Variants in RELN observed in about 807,000 individuals in gnomAD.
RELN encodes the protein reelin.
RELN carries 108 observed loss-of-function variants against 427.6 expected under a neutral mutation model. The ratio of observed to expected loss-of-function variants is 0.25; its 90% CI spans 0.22 to 0.30. RELN has a LOEUF of 0.30. Ranked by LOEUF, RELN falls within the 10% of genes least tolerant of loss-of-function variation. The pLI, the probability that RELN is intolerant of heterozygous loss-of-function variation, is 1.00. For missense variants in RELN, 3,715 were observed against 4,302.8 expected, an observed-to-expected ratio of 0.86 and a Z score of 3.82; for synonymous variants, 1,524 against 1,513.4, an observed-to-expected ratio of 1.01 and a Z score of -0.16.
chr7:103,932,406 G>A (rs1006072473), intron 1 of RELN, among the ~76,000 whole-genome samples: 2 of 152,150 alleles, frequency 1.3e-5, no homozygotes, highest in Non-Finnish European at 2.9e-5. Flanking sequence ...AGTGGGAGGA[G>A]GGAGAGGAGC....
At chr7:103,728,397 A>G (rs1451054172) in intron 6 of RELN, among the ~76,000 whole-genome samples, 190 bp from the exon 7 acceptor site, 5 of 152,206 alleles carry the variant, frequency 3.3e-5, no homozygotes, top group Non-Finnish European at 7.3e-5. Context: ...ATAAATCTCA[A>G]TTCTTTCAGT....
At chr7:103,894,500 A>AT (rs1794917456) in intron 2 of RELN, among the ~76,000 whole-genome samples, 1 of 152,132 alleles carries the variant, frequency 6.6e-6, no homozygotes, top group Non-Finnish European at 1.5e-5. Flanking sequence ...AAAGCATGCT[A>AT]TTTTTTACTA....
chr7:103,479,390 C>T (rs558274635), intron 63 of RELN, among the ~76,000 whole-genome samples: 17 of 152,156 alleles, frequency 1.1e-4, no homozygotes, highest in Non-Finnish European at 2.2e-4. Flanking sequence ...TGTCAATGAT[C>T]GTGTTATGCC....
intron 12 of RELN, among the ~76,000 whole-genome samples, chr7:103,655,190 T>C (rs1157343346): frequency 6.6e-6 from 1 of 152,060 alleles, no homozygotes; most frequent in Non-Finnish European, 1.5e-5. Flanking sequence ...CATGTCTAAC[T>C]AGAAGCCTCT....
intron 63 of RELN, among the ~76,000 whole-genome samples, chr7:103,482,466 CTG>C (rs1828276691): frequency 6.6e-6 from 1 of 152,208 alleles, no homozygotes; most frequent in Non-Finnish European, 1.5e-5. Context: ...TGGAGAATGT[CTG>C]TAATTGGGCA....
intron 11 of RELN, among the ~76,000 whole-genome samples, chr7:103,668,113 C>T (rs752206411): frequency 9.9e-5 from 15 of 152,032 alleles, no homozygotes; most frequent in Non-Finnish European, 1.9e-4. Context: ...ACCTATAATC[C>T]CAGCTACTTG....
intron 5 of RELN, 67 bp from the exon 6 acceptor site, chr7:103,749,571 G>T (rs1355494798): frequency 9.2e-7 from 1 of 1,082,812 alleles, no homozygotes; most frequent in Non-Finnish European, 1.4e-6. Context: ...AAACACAAGT[G>T]CCAACATGCT....
intron 61 of RELN, 86 bp from the exon 62 acceptor site, chr7:103,483,936 G>A: frequency 7.5e-7 from 1 of 1,341,306 alleles, no homozygotes; most frequent in Non-Finnish European, 1.0e-6. Context: ...CTGGAGTACA[G>A]TGGTGTGATC....
At chr7:103,765,262 G>T (rs2116152063) in intron 4 of RELN, among the ~76,000 whole-genome samples, 1 of 152,332 alleles carries the variant, frequency 6.6e-6, no homozygotes. Flanking sequence ...AGGGCTCAGA[G>T]GAGATGAGAG....
rs1356853041 is a variant in RELN, at chr7:103,546,813, G to T, written c.6303-1469C>A. Among the ~76,000 whole-genome samples, 5 of 152,002 alleles carry T rather than the reference G, an allele frequency of 3.3e-5. No individual in the cohort carries two copies. The East Asian group carries it at 9.6e-4, about 29-fold the overall frequency. On this transcript the variant is annotated intron_variant, in intron 41 of 64. Coordinates refer to ENST00000428762, the MANE Select transcript of RELN (RefSeq NM_005045.4). Reference sequence around the variant, plus strand: ...CTTATGAGCCAAACTAAGGTTTTTTGGATTTTATCTCATCAGAAACAGAGA... The same window carrying T: ...CTTATGAGCCAAACTAAGGTTTTTTTGATTTTATCTCATCAGAAACAGAGA...
intron 11 of RELN, among the ~76,000 whole-genome samples, chr7:103,666,467 C>T (rs1287322387): frequency 1.3e-5 from 2 of 152,066 alleles, no homozygotes; most frequent in Admixed American, 1.3e-4. Flanking sequence ...ATCATTTAAT[C>T]ATATTTATCT....
At chr7:103,750,723 G>A (rs1790977705) in intron 5 of RELN, among the ~76,000 whole-genome samples, 2 of 152,108 alleles carry the variant, frequency 1.3e-5, no homozygotes, top group South Asian at 2.1e-4. Context: ...TTTACTGAAT[G>A]TTTTTAAATT....
chr7:103,853,466 G>C (rs1221670440), intron 2 of RELN, among the ~76,000 whole-genome samples: 1 of 151,662 alleles, frequency 6.6e-6, no homozygotes, highest in Non-Finnish European at 1.5e-5. Context: ...CTTCTTTTAG[G>C]CTTTATGTAG....
chr7:103,881,353 C>T (rs78360300), intron 2 of RELN, among the ~76,000 whole-genome samples: 7,103 of 152,190 alleles, frequency 0.047, 412 homozygotes, highest in African/African-American at 0.13. Context: ...CTCCTGATTT[C>T]CTTTCCTACC....
intron 2 of RELN, among the ~76,000 whole-genome samples, chr7:103,880,000 T>C (rs1363187882): frequency 6.6e-6 from 1 of 152,048 alleles, no homozygotes; most frequent in African/African-American, 2.4e-5. Context: ...CTTGTAAGCA[T>C]TTTCCACAAG....
chr7:103,650,342 G>A lies in RELN; in HGVS notation c.1934C>T (p.Thr645Ile). The A allele has an allele frequency of 6.2e-7, 1 of 1,613,036 alleles. No homozygotes were observed. Among genetic ancestry groups the A allele is most frequent in the Non-Finnish European group, 8.5e-7 (1 of 1,179,362 alleles). Residue 645 changes from threonine (T) to isoleucine (I), a missense_variant, in exon 16 of 65, where the codon ACC (threonine) becomes ATC (isoleucine). Coordinates refer to ENST00000428762, the MANE Select transcript of RELN (RefSeq NM_005045.4). ...TCTCCAGCGAATCCTGGTGTTCCGG[G>A]TTAGTGCTGCGTTAGGAAGGGGAAT... The part of the protein sequence containing the change: ...ITIPLPNAAL[T>I]RNTRIRWRQT...
intron 6 of RELN, among the ~76,000 whole-genome samples, chr7:103,742,194 C>A (rs1790682313): frequency 6.6e-6 from 1 of 152,320 alleles, no homozygotes; most frequent in South Asian, 2.1e-4. Flanking sequence ...AACAGACCTG[C>A]AGCTAAGGGT....
chr7:103,526,636 T>C (rs1276473507), intron 46 of RELN, among the ~76,000 whole-genome samples: 1 of 152,200 alleles, frequency 6.6e-6, no homozygotes, highest in Non-Finnish European at 1.5e-5. Flanking sequence ...AAATGAGAGT[T>C]TGGAAGTTGA....
At chr7:103,595,379 C>CT (rs1238663055) in intron 25 of RELN, among the ~76,000 whole-genome samples, 7 of 152,108 alleles carry the variant, frequency 4.6e-5, no homozygotes, top group African/African-American at 1.2e-4. Context: ...ATCCAGTTGC[C>CT]TTTTTTCTGT....
Sources: gnomAD v4.1 joint callset for allele counts (sites outside exome capture counted in the v4.1 genomes callset) on GRCh38, gnomAD v4.1.1 for gene constraint, MANE v1.5 for transcripts, NCBI Gene and HGNC (gene_info 2026-07-23, HGNC 2026-07-21) for gene names.